The following SCN1A variants were observed in gnomAD, a reference collection of about 807,000 sequenced individuals.
The protein encoded by SCN1A is sodium voltage-gated channel alpha subunit 1.
In SCN1A, 13 loss-of-function variants were observed where a neutral mutation model predicts 193.7. The observed-to-expected ratio is 0.07, with a 90% confidence interval of 0.04 to 0.11. SCN1A has a LOEUF of 0.11. Among genes scored for constraint, SCN1A ranks in the 10% least tolerant of loss-of-function variants. The probability of loss-of-function intolerance (pLI) is 1.00; values close to 1 mark genes in which losing one functional copy is unlikely to be tolerated. For synonymous variants in SCN1A, 781 were observed against 843.6 expected, an observed-to-expected ratio of 0.93 and a Z score of 1.29; for missense variants, 1,432 against 2,451.1, an observed-to-expected ratio of 0.58 and a Z score of 8.78.
Position 166,047,743 on chromosome 2 carries a change from C to T in SCN1A, c.1054G>A (p.Val352Met), listed in dbSNP as rs779188944. The change falls in exon 11 of 29, where the codon GTG becomes ATG. Residue 352 changes from valine (V) to methionine (M), a missense_variant. By Grantham distance (21) the Val-to-Met change is conservative. Around this residue, in one of 18 missense-constraint regions of SCN1A, gnomAD observed 11 missense variants for 70.9 expected, o/e 0.16. Transcript: ENST00000674923. The part of the protein sequence containing the change: ...AGQCPEGYMC[V>M]KAGRNPNYGY... The stretch of plus-strand genomic sequence containing the variant: ...TAATTGGGATTTCTACCAGCTTTCA[C>T]ACACATATATCCCTCTGGACATTGG... 11 of 1,613,464 alleles carry T rather than the reference C, an allele frequency of 6.8e-6. No homozygotes were observed. Among genetic ancestry groups the T allele is most frequent in the East Asian group, 2.2e-5 (1 of 44,852 alleles).
At chr2:166,074,908 A>C (rs887587036) in intron 3 of SCN1A, among the ~76,000 whole-genome samples, 12 of 152,180 alleles carry the variant, frequency 7.9e-5, no homozygotes, top group Non-Finnish European at 1.5e-5. Flanking sequence ...GATGATCAAA[A>C]GAAGGGAGGA....
At chr2:166,028,976 G>A (rs1021568479) in intron 19 of SCN1A, among the ~76,000 whole-genome samples, 2 of 152,096 alleles carry the variant, frequency 1.3e-5, no homozygotes, top group African/African-American at 4.8e-5. Flanking sequence ...GATGTGGTGG[G>A]TGAGGATGAG....
At chr2:166,082,133 A>G (rs557481683) in intron 2 of SCN1A, among the ~76,000 whole-genome samples, 1 of 152,164 alleles carries the variant, frequency 6.6e-6, no homozygotes, top group South Asian at 2.1e-4. Context: ...AGATAAGTAA[A>G]TCAAAACCAA....
chr2:166,110,056 G>C (rs971441994), intron 2 of SCN1A, among the ~76,000 whole-genome samples: 1 of 152,080 alleles, frequency 6.6e-6, no homozygotes, highest in Admixed American at 6.6e-5. Context: ...AATGATAAAT[G>C]CTTGAGGGGA....
chr2:166,102,360 G>T (rs1341776025), intron 2 of SCN1A, among the ~76,000 whole-genome samples: 1 of 152,010 alleles, frequency 6.6e-6, no homozygotes, highest in African/African-American at 2.4e-5. Flanking sequence ...GCCGGGTGTG[G>T]TGGTGGGCGC....
At chr2:166,116,730 T>C (rs1689911891) in intron 2 of SCN1A, among the ~76,000 whole-genome samples, 1 of 152,128 alleles carries the variant, frequency 6.6e-6, no homozygotes. Context: ...AAACAAAAAA[T>C]TCTTCTTTAT....
In SCN1A at chr2:165,990,932, C is replaced by T. The variant is rs935012466; in HGVS notation, c.*313G>A. 3.2e-6 allele frequency: 1 copy of T among 307,964 alleles called. No individual in the cohort carries two copies. Among genetic ancestry groups the T allele is most frequent in the African/African-American group, 2.2e-5 (1 of 46,506 alleles). 19.1% of individuals were successfully genotyped at this position (307,964 alleles called of 1,614,324 possible). On this transcript the variant is annotated 3_prime_UTR_variant, in exon 29 of 29. Transcript: ENST00000674923. ...CTACACTAAAGTGTTTCATGTTAAA[C>T]AACCCCAAAATCACAGGTTTGCACC...
chr2:166,031,987 T>G (rs568288164), intron 19 of SCN1A, among the ~76,000 whole-genome samples: 1 of 152,178 alleles, frequency 6.6e-6, no homozygotes, highest in African/African-American at 2.4e-5. Context: ...GTATGAAGAA[T>G]AAACAGTGGG....
intron 2 of SCN1A, among the ~76,000 whole-genome samples, chr2:166,113,001 T>C (rs770935857): frequency 6.6e-6 from 1 of 152,194 alleles, no homozygotes; most frequent in Non-Finnish European, 1.5e-5. Flanking sequence ...TTAAATTCTG[T>C]GAGCTGTTGT....
chr2:166,121,931 C>T (rs1214487179), intron 2 of SCN1A, among the ~76,000 whole-genome samples: 2 of 152,028 alleles, frequency 1.3e-5, no homozygotes, highest in Non-Finnish European at 2.9e-5. Flanking sequence ...TGACTTGTGT[C>T]CTTAAAAGAA....
chr2:166,118,302 CT>C (rs61002916), intron 2 of SCN1A, among the ~76,000 whole-genome samples: 2,072 of 80,658 alleles, frequency 0.026, 389 homozygotes, highest in Admixed American at 0.15. Context: ...TATTTAGTTT[CT>C]TTTTTTTTTT....
At chr2:166,102,846 T>A (rs1294664581) in intron 2 of SCN1A, among the ~76,000 whole-genome samples, 1 of 152,148 alleles carries the variant, frequency 6.6e-6, no homozygotes, top group East Asian at 1.9e-4. Context: ...GGTACATATA[T>A]GCTAGGGAAC....
At position 165,992,040 on chromosome 2, in the gene SCN1A, T is replaced by C. The variant is rs1689266758; in HGVS notation, c.5235A>G (p.Lys1745=). 1 of 1,613,940 alleles carries C rather than the reference T, an allele frequency of 6.2e-7. No individual in the cohort carries two copies. Among genetic ancestry groups the C allele is most frequent in the Admixed American group, 1.7e-5 (1 of 59,980 alleles). Reference sequence around the variant, plus strand: ...CCTTAACTGAGCTTCCAGGGTTAACTTTATTAGGGTCACAGTCGGGTGGCT... The same window carrying C: ...CCTTAACTGAGCTTCCAGGGTTAACCTTATTAGGGTCACAGTCGGGTGGCT... The part of the protein sequence containing the change: ...NSKPPDCDPN[K]VNPGSSVKGD... Residue 1745 remains lysine, a synonymous_variant, in exon 29 of 29, where the codon AAA becomes AAG. Coordinates refer to ENST00000674923, the MANE Select transcript of SCN1A (RefSeq NM_001165963.4). This position sits in a 1 kb window ranked among gnomAD's most constrained non-coding sequence, Gnocchi z 6.5.
intron 1 of SCN1A, among the ~76,000 whole-genome samples, chr2:166,143,026 T>A (rs1395306221): frequency 6.6e-6 from 1 of 152,200 alleles, no homozygotes; most frequent in Non-Finnish European, 1.5e-5. Context: ...TTACCCAATC[T>A]TGGGTATGTC....
intron 28 of SCN1A, chr2:165,993,840 A>T: frequency 2.2e-6 from 1 of 444,924 alleles, no homozygotes; most frequent in Non-Finnish European, 4.0e-6. Flanking sequence ...TCTAGATACT[A>T]TATTGGTTCT....
intron 19 of SCN1A, among the ~76,000 whole-genome samples, chr2:166,031,879 C>T (rs1471917938): frequency 1.3e-5 from 2 of 152,078 alleles, no homozygotes; most frequent in Non-Finnish European, 2.9e-5. Flanking sequence ...CAGTAAGCGG[C>T]TAAAATGAAA....
chr2:166,016,215 T>G (rs557133722), intron 19 of SCN1A: 1 of 165,342 alleles, frequency 6.0e-6, no homozygotes, highest in African/African-American at 2.4e-5. Flanking sequence ...CTAAGATTCA[T>G]GGTTAAGGTG....
At chr2:166,107,750 T>C (rs1297631205) in intron 2 of SCN1A, among the ~76,000 whole-genome samples, 2 of 152,144 alleles carry the variant, frequency 1.3e-5, no homozygotes, top group Admixed American at 6.6e-5. Context: ...AAAAACCAGA[T>C]ATCCACATGC....
At position 166,103,254 on chromosome 2, in the gene SCN1A, C is replaced by G. The variant is rs573846079; in HGVS notation, c.-142+23670G>C. ...TCACCTGAGGCCAGGAGCTCAAGAC[C>G]AGTCTGGCCAACATGGCAAAACCTG... On this transcript the variant is annotated intron_variant, in intron 2 of 28. Coordinates refer to ENST00000674923, the MANE Select transcript of SCN1A (RefSeq NM_001165963.4). Among the ~76,000 whole-genome samples the G allele has an allele frequency of 3.6e-3, 553 of 152,138 alleles. 6 individuals are homozygous for G. Among genetic ancestry groups the G allele is most frequent in the African/African-American group, 0.013 (520 of 41,504 alleles).
Sources: allele counts gnomAD v4.1 joint callset (sites outside exome capture counted in the v4.1 genomes callset), GRCh38; gene constraint gnomAD v4.1.1; regional missense constraint gnomAD v4.1.1; non-coding constraint Gnocchi (gnomAD v3.1); transcripts MANE v1.5; gene names NCBI Gene and HGNC (gene_info 2026-07-23, HGNC 2026-07-21).